The following CELF2 variants were observed in gnomAD, a reference collection of about 807,000 sequenced individuals.
CELF2 encodes the protein CUG triplet repeat RNA-binding protein 2.
CELF2 carries 8 observed loss-of-function variants against 62.6 expected under a neutral mutation model. The observed-to-expected ratio is 0.13, with a 90% CI of 0.07 to 0.23. The LOEUF is 0.23. Among genes scored for constraint, CELF2 ranks in the 10% least tolerant of loss-of-function variants. The pLI, the probability that CELF2 is intolerant of heterozygous loss-of-function variation, is 1.00. For synonymous variants in CELF2, 258 were observed against 250.0 expected (o/e 1.03, Z -0.30); for missense variants, 333 against 671.0 (o/e 0.50, Z 5.56).
intron 1 of CELF2, among the ~76,000 whole-genome samples, chr10:10,853,261 G>A (rs1296157699): frequency 2.6e-5 from 4 of 152,164 alleles, no homozygotes; most frequent in Non-Finnish European, 4.4e-5. Context: ...GATTACAGGT[G>A]TAAGGCACTG....
At chr10:11,231,234 G>A (rs2068528153) in intron 3 of CELF2, among the ~76,000 whole-genome samples, 1 of 152,086 alleles carries the variant, frequency 6.6e-6, no homozygotes. Flanking sequence ...CCTAATTATT[G>A]TAGCTACAAC....
the CELF2 span, among the ~76,000 whole-genome samples, chr10:10,508,580 T>C: frequency 6.6e-6 from 1 of 152,034 alleles, no homozygotes; most frequent in Non-Finnish European, 1.5e-5. Flanking sequence ...CAGGGAGAAA[T>C]GTCAGTTAGG....
intron 5 of CELF2, among the ~76,000 whole-genome samples, chr10:11,261,806 C>G (rs2080705878): frequency 6.6e-6 from 1 of 152,214 alleles, no homozygotes. Context: ...GAGCAGGATG[C>G]CATGGGCCCA....
At chr10:10,697,599 T>C in the CELF2 span, among the ~76,000 whole-genome samples, 4 of 152,234 alleles carry the variant, frequency 2.6e-5, no homozygotes, top group Admixed American at 6.5e-5. Context: ...ATGTAGCATC[T>C]GGTGAGGAAC....
chr10:11,186,634 A>C (rs1032818658), intron 2 of CELF2, among the ~76,000 whole-genome samples: 15 of 152,174 alleles, frequency 9.9e-5, no homozygotes, highest in Admixed American at 6.5e-5. Flanking sequence ...GCGCATCCCT[A>C]ATCCAAAAAT....
At chr10:10,772,617 G>T in the CELF2 span, among the ~76,000 whole-genome samples, 3 of 152,212 alleles carry the variant, frequency 2.0e-5, no homozygotes, top group African/African-American at 7.2e-5. Context: ...TATCACAGAG[G>T]GAACGGTGAG....
chr10:10,934,705 C>T lies in CELF2; in HGVS notation c.89+14706C>T, dbSNP rs2066446273. The T allele has an allele frequency of 1.3e-5, 2 of 152,234 alleles. No homozygotes were observed. Among genetic ancestry groups the T allele is most frequent in the Admixed American group, 1.3e-4 (2 of 15,296 alleles). The allele number at this position is 152,234 out of a possible 1,614,324, so 9.4% of individuals were successfully genotyped here. On this transcript the variant is annotated intron_variant, in intron 2 of 13. Coordinates refer to the CELF2 transcript ENST00000636488. This position sits in a 1 kb window ranked among gnomAD's most constrained non-coding sequence, Gnocchi z 4.4. ...GAGCTAGAAAGAGGGTTGTTTTTTACTGAGTTCGAGAGGGTGAGGGTTGAG... is the reference window on the plus strand; with the variant it reads ...GAGCTAGAAAGAGGGTTGTTTTTTATTGAGTTCGAGAGGGTGAGGGTTGAG...
chr10:10,688,835 A>C, the CELF2 span, among the ~76,000 whole-genome samples: 7 of 140,852 alleles, frequency 5.0e-5, no homozygotes. Flanking sequence ...CTCTGTGTAT[A>C]CCAAAAAAAA....
At chr10:11,264,059 G>T (rs1411197796) in intron 5 of CELF2, among the ~76,000 whole-genome samples, 1 of 152,176 alleles carries the variant, frequency 6.6e-6, no homozygotes, top group South Asian at 2.1e-4. Context: ...CTGCACCACT[G>T]CCAATAGAAT....
intron 1 of CELF2, among the ~76,000 whole-genome samples, chr10:11,125,383 T>C (rs549360171): frequency 4.6e-5 from 7 of 150,938 alleles, no homozygotes; most frequent in Non-Finnish European, 8.8e-5. Flanking sequence ...GGCCATAGGG[T>C]GAAAGCCCTT....
intron 1 of CELF2, among the ~76,000 whole-genome samples, chr10:10,879,982 A>G (rs545290124): frequency 4.6e-5 from 7 of 152,326 alleles, no homozygotes; most frequent in Admixed American, 2.0e-4. Context: ...AAGCAGTTCA[A>G]TTTTCAAGTT....
In CELF2 at chr10:11,302,078, C is replaced by T. The variant is rs1296113663; in HGVS notation, c.977-12061C>T. Among the ~76,000 whole-genome samples the T allele has an allele frequency of 1.3e-5, 2 of 152,204 alleles. No individual in the cohort carries two copies. Among genetic ancestry groups the T allele is most frequent in the Admixed American group, 6.5e-5 (1 of 15,290 alleles). ...GACAAGCAAATCCCTGCTCTTCAAC[C>T]GGCTGTCTTCTGGTGGGGTTTCTTT... is the stretch of plus-strand genomic sequence containing the variant. On this transcript the variant is annotated intron_variant, in intron 9 of 12. Transcript: ENST00000633077. The surrounding 1 kb of genome is among the most constrained non-coding windows in gnomAD (Gnocchi z 5.0).
the CELF2 span, among the ~76,000 whole-genome samples, chr10:10,551,259 G>A: frequency 6.6e-6 from 1 of 152,168 alleles, no homozygotes; most frequent in Non-Finnish European, 1.5e-5. Flanking sequence ...AGAGACCCCT[G>A]GAGCTAGGAT....
the CELF2 span, among the ~76,000 whole-genome samples, chr10:10,662,278 G>C: frequency 6.6e-6 from 1 of 152,194 alleles, no homozygotes; most frequent in Non-Finnish European, 1.5e-5. Flanking sequence ...ACTTCATGTG[G>C]AAAGGTCCAC....
At position 11,156,657 on chromosome 10, in the gene CELF2, G is replaced by A. The variant is rs1208628646; in HGVS notation, c.75-8829G>A. Among the ~76,000 whole-genome samples the A allele has an allele frequency of 6.6e-6, 1 of 152,196 alleles. No individual in the cohort carries two copies. Among genetic ancestry groups the A allele is most frequent in the Non-Finnish European group, 1.5e-5 (1 of 68,040 alleles). ...AGACTCGCGTCATAAATATGATTAA[G>A]TGAATGAATGAGACATCCCTGTCTT... On this transcript the variant is annotated intron_variant, in intron 1 of 12. Transcript: ENST00000633077. This position sits in a 1 kb window ranked among gnomAD's most constrained non-coding sequence, Gnocchi z 4.3.
chr10:11,182,706 T>G (rs947627886), intron 2 of CELF2, among the ~76,000 whole-genome samples: 6 of 152,200 alleles, frequency 3.9e-5, no homozygotes, highest in African/African-American at 1.4e-4. Flanking sequence ...CCCTTTTAAT[T>G]AGACATTCTG....
intron 1 of CELF2, among the ~76,000 whole-genome samples, chr10:10,906,514 T>C (rs1295764627): frequency 6.6e-6 from 1 of 152,110 alleles, no homozygotes; most frequent in Non-Finnish European, 1.5e-5. Flanking sequence ...TATGAGAAGG[T>C]AGCATTTCAC....
At chr10:11,283,868 G>T (rs892773557) in intron 8 of CELF2, among the ~76,000 whole-genome samples, 1 of 151,672 alleles carries the variant, frequency 6.6e-6, no homozygotes, top group Non-Finnish European at 1.5e-5. Context: ...TGTGGTGGGT[G>T]GATGATGGAT....
the CELF2 span, among the ~76,000 whole-genome samples, chr10:10,768,238 G>A: frequency 1.3e-5 from 2 of 151,944 alleles, no homozygotes; most frequent in Admixed American, 6.6e-5. Flanking sequence ...CCATGAGCTG[G>A]TAACTCACCT....
Sources: gnomAD v4.1 joint callset for allele counts (sites outside exome capture counted in the v4.1 genomes callset) on GRCh38, gnomAD v4.1.1 for gene constraint, Gnocchi (gnomAD v3.1) non-coding constraint, MANE v1.5 for transcripts, NCBI Gene and HGNC (gene_info 2026-07-23, HGNC 2026-07-21) for gene names.